Variants in LUZP2 observed in about 807,000 individuals in gnomAD.
LUZP2 encodes the protein leucine zipper protein 2.
In LUZP2, 52 loss-of-function variants were observed where a neutral mutation model predicts 51.6. The ratio of observed to expected loss-of-function variants is 1.01; its 90% CI spans 0.81 to 1.27. The LOEUF (loss-of-function observed/expected upper bound fraction) is 1.27. Among genes scored for constraint, LUZP2 ranks in the 50% most tolerant of loss-of-function variants. The pLI is 0.00. For missense variants in LUZP2, 436 were observed against 395.4 expected (o/e 1.10, Z -0.87); for synonymous variants, 154 against 137.3 (o/e 1.12, Z -0.85).
intron 1 of LUZP2, among the ~76,000 whole-genome samples, chr11:24,713,944 C>T (rs574439080): frequency 6.8e-6 from 1 of 147,462 alleles, no homozygotes; most frequent in Non-Finnish European, 1.5e-5. Flanking sequence ...GATCTGCCCA[C>T]CTCAGCCTCC....
intron 7 of LUZP2, among the ~76,000 whole-genome samples, chr11:24,971,673 C>T (rs1590790153): frequency 2.0e-5 from 3 of 152,212 alleles, no homozygotes; most frequent in South Asian, 2.1e-4. Flanking sequence ...ATTATGGCTA[C>T]TCTGTATGAT....
intron 1 of LUZP2, among the ~76,000 whole-genome samples, chr11:24,640,454 A>T (rs775093071): frequency 6.6e-6 from 1 of 151,920 alleles, no homozygotes; most frequent in East Asian, 1.9e-4. Flanking sequence ...GCATCTGACA[A>T]ATCTGATGGT....
chr11:24,922,837 CTTTTTTTT>C (rs749672583), intron 7 of LUZP2, among the ~76,000 whole-genome samples: 4 of 47,372 alleles, frequency 8.4e-5, no homozygotes, highest in South Asian at 6.5e-4. Context: ...TTTTTTTTTT[CTTTTTTTT>C]TTTTTTTTTT....
At chr11:24,684,840 T>A (rs948486429) in intron 1 of LUZP2, among the ~76,000 whole-genome samples, 1 of 152,202 alleles carries the variant, frequency 6.6e-6, no homozygotes, top group Non-Finnish European at 1.5e-5. Flanking sequence ...ACTCAAATGA[T>A]TCATATCAGA....
intron 4 of LUZP2, among the ~76,000 whole-genome samples, chr11:24,739,610 C>T (rs992531289): frequency 5.9e-5 from 9 of 152,042 alleles, no homozygotes; most frequent in African/African-American, 2.2e-4. Flanking sequence ...GCCTAAATCT[C>T]CATTTAGGTC....
chr11:24,759,929 G>T (rs763601700), intron 4 of LUZP2, among the ~76,000 whole-genome samples: 7 of 152,132 alleles, frequency 4.6e-5, no homozygotes, highest in Non-Finnish European at 1.0e-4. Flanking sequence ...AAGTGCCCCT[G>T]GTGGTCGGGC....
chr11:24,904,929 A>T (rs924583104), intron 5 of LUZP2, among the ~76,000 whole-genome samples: 2 of 152,224 alleles, frequency 1.3e-5, no homozygotes, highest in Non-Finnish European at 2.9e-5. Context: ...AAGATATTCC[A>T]TGCAAATGGA....
rs1049329613 is a variant in LUZP2 at position 25,079,564 on chromosome 11, G to A, written c.*906G>A. On this transcript the variant is annotated 3_prime_UTR_variant, in exon 12 of 12. Transcript: ENST00000336930. Reference sequence around the variant, plus strand: ...AGATGCATATTTTTTGAAAACCAATGTGTTATTGAAACAAATCAATGGCAG... The same window carrying A: ...AGATGCATATTTTTTGAAAACCAATATGTTATTGAAACAAATCAATGGCAG... 6.6e-5 allele frequency: 10 copies of A among 152,070 alleles called. No homozygotes were observed. 9.4% of individuals were successfully genotyped at this position (152,070 alleles called of 1,614,324 possible). A position where few individuals can be genotyped will look rare whatever the true frequency, so the allele number is the denominator to read the frequency against.
intron 9 of LUZP2, among the ~76,000 whole-genome samples, chr11:25,034,817 C>T (rs118032325): frequency 6.6e-6 from 1 of 152,202 alleles, no homozygotes; most frequent in Non-Finnish European, 1.5e-5. Context: ...TGTTTGACTA[C>T]TGTGCCTCCA....
At position 24,802,460 on chromosome 11, in the gene LUZP2, G is replaced by GT. The variant is rs543693071; in HGVS notation, c.396+39162dup. On this transcript the variant is annotated intron_variant, in intron 5 of 11. Coordinates refer to ENST00000336930, the MANE Select transcript of LUZP2 (RefSeq NM_001009909.4). The stretch of plus-strand genomic sequence containing the variant: ...TGTTTTAACAGATATCACTGCCACT[G>GT]TTTTTTTTTTAATTTAAAAAATTTG... 2.3e-3 allele frequency among the ~76,000 whole-genome samples: 346 copies of GT among 147,472 alleles called. 1 individual carries two copies. Among genetic ancestry groups the GT allele is most frequent in the South Asian group, 4.8e-3 (22 of 4,610 alleles).
intron 4 of LUZP2, among the ~76,000 whole-genome samples, chr11:24,754,000 A>G (rs1859684910): frequency 6.6e-6 from 1 of 152,162 alleles, no homozygotes; most frequent in Non-Finnish European, 1.5e-5. Flanking sequence ...AGCCTTTGAT[A>G]GTGTTGTATT....
At chr11:24,971,799 G>C (rs946895016) in intron 7 of LUZP2, among the ~76,000 whole-genome samples, 1 of 151,838 alleles carries the variant, frequency 6.6e-6, no homozygotes, top group Admixed American at 6.6e-5. Flanking sequence ...GGTTTCCCAA[G>C]ATCTCTTGGC....
intron 1 of LUZP2, among the ~76,000 whole-genome samples, chr11:24,672,967 G>A (rs1279018996): frequency 1.3e-5 from 2 of 152,202 alleles, no homozygotes; most frequent in Admixed American, 6.5e-5. Context: ...ATACTCATAA[G>A]AGCCTGAACC....
At chr11:24,719,921 A>G (rs955520460) in intron 1 of LUZP2, among the ~76,000 whole-genome samples, 6 of 152,244 alleles carry the variant, frequency 3.9e-5, no homozygotes, top group Admixed American at 2.0e-4. Context: ...CAACCATAGA[A>G]GTAGAGTCAT....
chr11:24,777,723 C>A (rs1313038697), intron 5 of LUZP2, among the ~76,000 whole-genome samples: 1 of 151,984 alleles, frequency 6.6e-6, no homozygotes, highest in Non-Finnish European at 1.5e-5. Flanking sequence ...ATTTTATTTT[C>A]TTTACAGCAG....
Position 24,745,403 on chromosome 11 carries a change from A to G in LUZP2, c.333+7101A>G, listed in dbSNP as rs140470833. Among the ~76,000 whole-genome samples, 44 of 152,142 alleles carry G rather than the reference A, an allele frequency of 2.9e-4. No individual in the cohort carries two copies. In the East Asian group the frequency reaches 3.1e-3, roughly 11 times the overall value. ...TTAGGAACTCCAGTGTTAGGTGTAT[A>G]TATGTTTAGGATTGTGATATTTTCT... On this transcript the variant is annotated intron_variant, in intron 4 of 11. Coordinates refer to ENST00000336930, the MANE Select transcript of LUZP2 (RefSeq NM_001009909.4).
intron 1 of LUZP2, among the ~76,000 whole-genome samples, chr11:24,661,279 A>G (rs1206521598): frequency 6.6e-6 from 1 of 152,150 alleles, no homozygotes; most frequent in Non-Finnish European, 1.5e-5. Flanking sequence ...AAATACCAGG[A>G]GAAATGCATC....
intron 5 of LUZP2, among the ~76,000 whole-genome samples, chr11:24,884,354 A>G (rs575264062): frequency 1.3e-5 from 2 of 152,120 alleles, no homozygotes; most frequent in Non-Finnish European, 2.9e-5. Flanking sequence ...ATGGTACTGC[A>G]CTGAGGATTT....
At chr11:24,497,712 T>TC (rs1262254007) in intron 1 of LUZP2, among the ~76,000 whole-genome samples, 4 of 152,088 alleles carry the variant, frequency 2.6e-5, no homozygotes. Flanking sequence ...GCTTCTCCCT[T>TC]CCCCCAAGTG....
Sources: allele counts gnomAD v4.1 joint callset (sites outside exome capture counted in the v4.1 genomes callset), GRCh38; gene constraint gnomAD v4.1.1; transcripts MANE v1.5; gene names NCBI Gene and HGNC (gene_info 2026-07-23, HGNC 2026-07-21).